Variants in DTNBP1 observed in about 807,000 individuals in gnomAD.
DTNBP1 encodes dysbindin.
In DTNBP1, 35 loss-of-function variants were observed where a neutral mutation model predicts 42.8. That is an observed-to-expected ratio of 0.82 (90% CI 0.63 to 1.09). DTNBP1 has a LOEUF of 1.09. Ranked by LOEUF, DTNBP1 falls within the 50% of genes least tolerant of loss-of-function variation. The pLI is 0.00. For synonymous variants in DTNBP1, 171 were observed against 162.2 expected (o/e 1.05, Z -0.41); for missense variants, 457 against 424.2 (o/e 1.08, Z -0.68).
Position 15,627,373 on chromosome 6 carries a change from C to A in DTNBP1, c.325G>T (p.Ala109Ser), listed in dbSNP as rs774300249. ...EQLQQLPALI[A>S]DLESMTANLT... The stretch of plus-strand genomic sequence containing the variant: ...TTTGCTGTCATGGATTCTAAGTCTG[C>A]GATTAAAGCTGGGAGCTGCTGGAGC... The change falls in exon 5 of 10, where the codon GCA becomes TCA. Residue 109 changes from alanine (A) to serine (S), a missense_variant. Ala to Ser is a moderately conservative substitution (Grantham distance 99, BLOSUM62 1). Transcript: ENST00000344537. The A allele has an allele frequency of 1.9e-6, 3 of 1,613,512 alleles. No individual in the cohort carries two copies. In the Admixed American group the frequency reaches 5.0e-5, roughly 27 times the overall value.
chr6:15,566,423 TG>T (rs1252823134), intron 7 of DTNBP1, among the ~76,000 whole-genome samples: 23 of 151,740 alleles, frequency 1.5e-4, no homozygotes, highest in Admixed American at 1.4e-3. Context: ...TAGGCCACCA[TG>T]GGAAGAGGGG....
chr6:15,602,555 T>C (rs1345308113), intron 6 of DTNBP1, among the ~76,000 whole-genome samples: 2 of 152,170 alleles, frequency 1.3e-5, no homozygotes, highest in Non-Finnish European at 2.9e-5. Context: ...TGATGGAACA[T>C]AAACTCCAAC....
intron 7 of DTNBP1, among the ~76,000 whole-genome samples, chr6:15,541,223 G>A (rs1298587841): frequency 1.3e-5 from 2 of 152,106 alleles, no homozygotes; most frequent in Admixed American, 6.5e-5. Flanking sequence ...TGCCCTCAGC[G>A]ACGTGACTGA....
intron 4 of DTNBP1, among the ~76,000 whole-genome samples, chr6:15,627,801 A>C (rs938021951): frequency 2.6e-5 from 4 of 151,806 alleles, no homozygotes; most frequent in Admixed American, 6.6e-5. Context: ...AAAAAAAAAA[A>C]ACAAAAACAA....
intron 7 of DTNBP1, among the ~76,000 whole-genome samples, chr6:15,582,389 GAT>G (rs1775880616): frequency 6.6e-6 from 1 of 152,120 alleles, no homozygotes; most frequent in African/African-American, 2.4e-5. Flanking sequence ...GGGTTGTTTT[GAT>G]ACTACTTGAG....
intron 8 of DTNBP1, among the ~76,000 whole-genome samples, chr6:15,526,086 G>A (rs112654238): frequency 0.012 from 1,769 of 152,316 alleles, 20 homozygotes; most frequent in Non-Finnish European, 0.018. Flanking sequence ...AGAAGACTGC[G>A]GAGTAAGTTC....
chr6:15,562,415 T>A (rs2619530), intron 7 of DTNBP1, among the ~76,000 whole-genome samples: 23,353 of 152,208 alleles, frequency 0.15, 2,643 homozygotes, highest in African/African-American at 0.31. Flanking sequence ...AATATGTTCA[T>A]AGGTATCACA....
At chr6:15,633,907 T>C (rs952284471) in intron 4 of DTNBP1, among the ~76,000 whole-genome samples, 2 of 152,236 alleles carry the variant, frequency 1.3e-5, no homozygotes, top group African/African-American at 2.4e-5. Context: ...AGGTATTACA[T>C]TGCTTTTTTA....
intron 7 of DTNBP1, among the ~76,000 whole-genome samples, chr6:15,534,125 G>GA (rs982662703): frequency 6.6e-6 from 1 of 152,198 alleles, no homozygotes; most frequent in African/African-American, 2.4e-5. Flanking sequence ...GAGGTACCTA[G>GA]AGCAGTCAGA....
At chr6:15,547,740 T>C (rs1773964774) in intron 7 of DTNBP1, among the ~76,000 whole-genome samples, 1 of 152,214 alleles carries the variant, frequency 6.6e-6, no homozygotes, top group Non-Finnish European at 1.5e-5. Flanking sequence ...TACCAGTCCC[T>C]GTGCTTGGTG....
chr6:15,544,084 T>C (rs1223210638), intron 7 of DTNBP1, among the ~76,000 whole-genome samples: 3 of 152,222 alleles, frequency 2.0e-5, no homozygotes, highest in Non-Finnish European at 4.4e-5. Context: ...ACACCTCTTA[T>C]AGCCATGCCC....
At chr6:15,640,849 TTAGCACAATG>T in intron 3 of DTNBP1, among the ~76,000 whole-genome samples, 1 of 152,246 alleles carries the variant, frequency 6.6e-6, no homozygotes, top group South Asian at 2.1e-4. Flanking sequence ...ACTTCAGGTT[TTAGCACAATG>T]ACAGCTACCC....
intron 9 of DTNBP1, chr6:15,524,257 G>A (rs1253485277): frequency 6.3e-7 from 1 of 1,596,972 alleles, no homozygotes; most frequent in African/African-American, 1.3e-5. Flanking sequence ...GGGTGGTAAA[G>A]GAGGGAAAAC....
intron 4 of DTNBP1, among the ~76,000 whole-genome samples, chr6:15,629,568 A>C (rs1453765625): frequency 6.6e-6 from 1 of 152,210 alleles, no homozygotes; most frequent in African/African-American, 2.4e-5. Flanking sequence ...AAAGAATGGA[A>C]GGGTAAACAG....
intron 1 of DTNBP1, among the ~76,000 whole-genome samples, chr6:15,657,157 A>G (rs1761332701): frequency 6.6e-6 from 1 of 152,220 alleles, no homozygotes; most frequent in Non-Finnish European, 1.5e-5. Context: ...TAGACTATCT[A>G]CATCCTAATG....
At chr6:15,658,454 G>A (rs976398125) in intron 1 of DTNBP1, among the ~76,000 whole-genome samples, 1 of 152,164 alleles carries the variant, frequency 6.6e-6, no homozygotes, top group African/African-American at 2.4e-5. Flanking sequence ...CACTGGGCAG[G>A]GGTGCAGGTG....
intron 1 of DTNBP1, among the ~76,000 whole-genome samples, chr6:15,656,713 A>C (rs912106768): frequency 6.6e-6 from 1 of 152,126 alleles, no homozygotes; most frequent in African/African-American, 2.4e-5. Context: ...ATACCACAGC[A>C]CTGCAGCCTG....
At chr6:15,551,759 A>T (rs1169902807) in intron 7 of DTNBP1, among the ~76,000 whole-genome samples, 1 of 152,174 alleles carries the variant, frequency 6.6e-6, no homozygotes, top group Non-Finnish European at 1.5e-5. Flanking sequence ...CCTGTCATGG[A>T]GTTGGCGCTC....
intron 6 of DTNBP1, among the ~76,000 whole-genome samples, chr6:15,601,523 T>G (rs1776726728): frequency 6.6e-6 from 1 of 152,178 alleles, no homozygotes; most frequent in African/African-American, 2.4e-5. Flanking sequence ...TAACTTCTAT[T>G]TTCTCTGCCT....
Sources: gnomAD v4.1 joint callset for allele counts (sites outside exome capture counted in the v4.1 genomes callset) on GRCh38, gnomAD v4.1.1 for gene constraint, MANE v1.5 for transcripts, NCBI Gene and HGNC (gene_info 2026-07-23, HGNC 2026-07-21) for gene names.